Variants in KLHL14 observed in about 807,000 individuals in gnomAD.
KLHL14 encodes kelch-like protein 14.
KLHL14 carries 22 observed loss-of-function variants against 64.3 expected under a neutral mutation model. The observed-to-expected ratio is 0.34, with a 90% CI of 0.24 to 0.49. The LOEUF (loss-of-function observed/expected upper bound fraction) is 0.49, where lower values mean the gene tolerates loss of function less well. Among genes scored for constraint, KLHL14 ranks in the 20% least tolerant of loss-of-function variants. The probability of loss-of-function intolerance (pLI) is 0.99; values close to 1 mark genes in which losing one functional copy is unlikely to be tolerated. For missense variants in KLHL14, 661 were observed against 789.0 expected (o/e 0.84, Z 1.94); for synonymous variants, 322 against 333.4 (o/e 0.97, Z 0.37).
intron 2 of KLHL14, among the ~76,000 whole-genome samples, chr18:32,760,589 C>T (rs377017646): frequency 3.5e-4 from 53 of 152,280 alleles, no homozygotes; most frequent in African/African-American, 1.3e-3. Flanking sequence ...GAGCCAGTCT[C>T]CATACGGTGG....
chr18:32,767,597 C>T (rs576912198), intron 2 of KLHL14, among the ~76,000 whole-genome samples: 7 of 152,348 alleles, frequency 4.6e-5, no homozygotes, highest in South Asian at 2.1e-4. Flanking sequence ...GGTGTCGTCA[C>T]GGAGCCAGGC....
intron 4 of KLHL14, among the ~76,000 whole-genome samples, chr18:32,690,034 A>G (rs193143374): frequency 6.6e-6 from 1 of 152,278 alleles, no homozygotes; most frequent in Admixed American, 6.5e-5. Context: ...GCAGGGGAAG[A>G]GAGGGAAGAG....
Position 32,697,242 on chromosome 18 carries a change from A to G in KLHL14, c.1070-1690T>C, listed in dbSNP as rs1358417015. 3.3e-5 allele frequency among the ~76,000 whole-genome samples: 5 copies of G among 152,152 alleles called. No individual in the cohort carries two copies. In the East Asian group the frequency reaches 9.7e-4, roughly 29 times the overall value. On this transcript the variant is annotated intron_variant, in intron 3 of 8. Coordinates refer to ENST00000359358, the MANE Select transcript of KLHL14 (RefSeq NM_020805.3). ...GCTCATTGAGCAACAGAGGTAGAAT[A>G]TGTTTGAAAGGTTTTCTTCCCTTTA... is the stretch of plus-strand genomic sequence containing the variant.
In KLHL14 at chr18:32,699,103, TAC is replaced by T. The variant is rs576852741; in HGVS notation, c.1070-3553_1070-3552del. On this transcript the variant is annotated intron_variant, in intron 3 of 8. Coordinates refer to ENST00000359358, the MANE Select transcript of KLHL14 (RefSeq NM_020805.3). Reference sequence around the variant, plus strand: ...ATTTTAAGGCCATACAAATCTCAGTTACACAGTCTTTTACCCCTCCTTCTACC... The same window carrying T: ...ATTTTAAGGCCATACAAATCTCAGTTACAGTCTTTTACCCCTCCTTCTACC... Among the ~76,000 whole-genome samples the T allele has an allele frequency of 7.7e-4, 117 of 152,256 alleles. 1 individual carries two copies. The Middle Eastern group carries it at 0.02, about 27-fold the overall frequency.
At position 32,770,378 on chromosome 18, in the gene KLHL14, C is replaced by T. The variant is rs766957674; in HGVS notation, c.214G>A (p.Val72Ile). The change falls in exon 2 of 9, where the codon GTC becomes ATC. Residue 72 changes from valine (V) to isoleucine (I), a missense_variant. Coordinates refer to ENST00000359358, the MANE Select transcript of KLHL14 (RefSeq NM_020805.3). This position sits in a 1 kb window ranked among gnomAD's most constrained non-coding sequence, Gnocchi z 6.7. ...GCCCCCAGGCCGTCCTGGCCGCCGA[C>T]CCCTCCCCCGAGAGGGGGGTGGCTG... ...FSSHPPLGGG[V>I]GGQDGLGAPK... The T allele has an allele frequency of 1.9e-6, 3 of 1,591,180 alleles. No individual in the cohort carries two copies. Among genetic ancestry groups the T allele is most frequent in the East Asian group, 2.2e-5 (1 of 44,554 alleles).
Position 32,770,214 on chromosome 18 carries a change from C to A in KLHL14, c.378G>T (p.Val126=), listed in dbSNP as rs749600559. ...LTSPRAINNL[V]LQGCSSIGLR... is the part of the protein sequence containing the mutation. ...GCCCGATGGACGAGCAGCCCTGCAG[C>A]ACCAGGTTGTTGATGGCCCGGGGGC... is the stretch of plus-strand genomic sequence containing the variant. Residue 126 remains valine, a synonymous_variant, in exon 2 of 9, where the codon GTG becomes GTT. Coordinates refer to ENST00000359358, the MANE Select transcript of KLHL14 (RefSeq NM_020805.3). This position sits in a 1 kb window ranked among gnomAD's most constrained non-coding sequence, Gnocchi z 6.7. The A allele has an allele frequency of 3.7e-6, 6 of 1,609,548 alleles. No individual in the cohort carries two copies. The South Asian group carries it at 6.6e-5, about 18-fold the overall frequency.
chr18:32,730,205 C>T (rs1447155563), intron 3 of KLHL14, among the ~76,000 whole-genome samples: 1 of 152,188 alleles, frequency 6.6e-6, no homozygotes, highest in Non-Finnish European at 1.5e-5. Flanking sequence ...TGGAGATAGA[C>T]CTCATAGAGA....
At chr18:32,714,699 G>T (rs192109358) in intron 3 of KLHL14, among the ~76,000 whole-genome samples, 3 of 152,016 alleles carry the variant, frequency 2.0e-5, no homozygotes, top group African/African-American at 7.3e-5. Context: ...GTTCAAACTC[G>T]CCTTTCGTTA....
Position 32,674,156 on chromosome 18 carries a change from C to T in KLHL14, c.*501G>A, listed in dbSNP as rs1185625326. The stretch of plus-strand genomic sequence containing the variant: ...TACATGATTTTCAATAACAGTGTTG[C>T]CAATGGAGTCTGTGAAGTAGCCAAA... On this transcript the variant is annotated 3_prime_UTR_variant, in exon 9 of 9. Transcript: ENST00000359358. 1.3e-5 allele frequency: 2 copies of T among 152,684 alleles called. No homozygotes were observed. Among genetic ancestry groups the T allele is most frequent in the African/African-American group, 4.8e-5 (2 of 41,424 alleles). 9.5% of individuals were successfully genotyped at this position (152,684 alleles called of 1,614,324 possible).
chr18:32,710,392 GA>G (rs1341249966), intron 3 of KLHL14, among the ~76,000 whole-genome samples: 3 of 152,184 alleles, frequency 2.0e-5, no homozygotes, highest in Non-Finnish European at 4.4e-5. Context: ...ATGATATCTG[GA>G]CATGTGGATA....
chr18:32,683,161 C>T lies in KLHL14; in HGVS notation c.1239-2562G>A, dbSNP rs2049851461. On this transcript the variant is annotated intron_variant, in intron 5 of 8. Transcript: ENST00000359358. This position sits in a 1 kb window ranked among gnomAD's most constrained non-coding sequence, Gnocchi z 4.2. ...ATCTGGTTCCTTCCTCACCGTGACACCTGGTCAGCCTGTCAGAACCTGCTC... is the reference window on the plus strand; with the variant it reads ...ATCTGGTTCCTTCCTCACCGTGACATCTGGTCAGCCTGTCAGAACCTGCTC... Among the ~76,000 whole-genome samples, 1 of 152,108 alleles carries T rather than the reference C, an allele frequency of 6.6e-6. No homozygotes were observed. The highest frequency in any genetic ancestry group is 2.4e-5 in the African/African-American group (1 of 41,404).
intron 3 of KLHL14, among the ~76,000 whole-genome samples, chr18:32,714,909 C>A (rs2050037724): frequency 6.7e-6 from 1 of 150,260 alleles, no homozygotes; most frequent in Non-Finnish European, 1.5e-5. Context: ...TCTTTTGATG[C>A]AGATTACACT....
intron 3 of KLHL14, among the ~76,000 whole-genome samples, chr18:32,719,856 A>G (rs887741079): frequency 6.6e-6 from 1 of 152,206 alleles, no homozygotes; most frequent in African/African-American, 2.4e-5. Context: ...GCTTGGTCAG[A>G]AGGACGTGCG....
chr18:32,745,921 G>A (rs892108047), intron 2 of KLHL14, among the ~76,000 whole-genome samples: 3 of 152,160 alleles, frequency 2.0e-5, no homozygotes, highest in Non-Finnish European at 4.4e-5. Context: ...TGTGCTGAAG[G>A]GGGTTTTAAT....
chr18:32,750,921 A>T (rs1394532771), intron 2 of KLHL14, among the ~76,000 whole-genome samples: 2 of 152,198 alleles, frequency 1.3e-5, no homozygotes, highest in African/African-American at 2.4e-5. Context: ...CCTCTTCTTA[A>T]AAACCATTGA....
Position 32,695,520 on chromosome 18 carries a change from C to A in KLHL14, c.1102G>T (p.Val368Leu), listed in dbSNP as rs200543658. The A allele has an allele frequency of 1.2e-6, 2 of 1,611,608 alleles. No individual in the cohort carries two copies. Among genetic ancestry groups the A allele is most frequent in the Non-Finnish European group, 1.7e-6 (2 of 1,178,194 alleles). ...MPYNSAHHCV[V>L]EVENFLFVLG... ...ACGAACAAGAAGTTTTCCACCTCCA[C>A]AACGCAGTGGTGGGCACTGTTGTAT... Residue 368 changes from valine to leucine, a missense_variant, in exon 4 of 9, where the codon GTG (valine) becomes TTG (leucine). Physicochemically the swap from Val to Leu is conservative, Grantham distance 32. Transcript: ENST00000359358.
chr18:32,731,595 A>C (rs954217800), intron 3 of KLHL14, among the ~76,000 whole-genome samples: 4 of 152,202 alleles, frequency 2.6e-5, no homozygotes, highest in Non-Finnish European at 5.9e-5. Flanking sequence ...TATATATGTA[A>C]CAAACCTTCA....
At position 32,680,656 on chromosome 18, in the gene KLHL14, C is replaced by T. The variant is rs546185727; in HGVS notation, c.1239-57G>A. On this transcript the variant is annotated intron_variant, in intron 5 of 8. Coordinates refer to ENST00000359358, the MANE Select transcript of KLHL14 (RefSeq NM_020805.3). The surrounding 1 kb of genome is among the most constrained non-coding windows in gnomAD (Gnocchi z 4.8). ...AGAGGAGCTGTGAAATGTTACCTTT[C>T]GAAATAAGATAAGCACCACACAGCT... 25 of 1,505,590 alleles carry T rather than the reference C, an allele frequency of 1.7e-5. No individual in the cohort carries two copies. The African/African-American group carries it at 2.6e-4, about 16-fold the overall frequency. 93.3% of individuals were successfully genotyped at this position (1,505,590 alleles called of 1,614,324 possible).
At chr18:32,738,860 G>A (rs2050180437) in intron 3 of KLHL14, among the ~76,000 whole-genome samples, 1 of 152,066 alleles carries the variant, frequency 6.6e-6, no homozygotes, top group Non-Finnish European at 1.5e-5. Context: ...TCGTATTTCT[G>A]AAATATAAAT....
Sources: gnomAD v4.1 joint callset for allele counts (sites outside exome capture counted in the v4.1 genomes callset) on GRCh38, gnomAD v4.1.1 for gene constraint, Gnocchi (gnomAD v3.1) non-coding constraint, MANE v1.5 for transcripts, NCBI Gene and HGNC (gene_info 2026-07-23, HGNC 2026-07-21) for gene names.